SETBP1: variants seen among roughly 807,000 people sequenced by gnomAD.
The protein encoded by SETBP1 is SET-binding protein.
A neutral mutation model predicts 101.0 loss-of-function variants in SETBP1; 9 were observed. The ratio of observed to expected loss-of-function variants is 0.09; its 90% CI spans 0.05 to 0.16. SETBP1 has a LOEUF of 0.16. Ranked by LOEUF, SETBP1 falls within the 10% of genes least tolerant of loss-of-function variation. SETBP1 has a pLI of 1.00. For synonymous variants in SETBP1, 818 were observed against 788.5 expected (o/e 1.04, Z -0.63); for missense variants, 1,858 against 2,033.8 (o/e 0.91, Z 1.66).
intron 3 of SETBP1, among the ~76,000 whole-genome samples, chr18:44,901,169 C>T (rs954368206): frequency 9.9e-5 from 15 of 152,238 alleles, no homozygotes; most frequent in African/African-American, 3.6e-4. Context: ...CCAACTCTTG[C>T]TTTGATGGGT....
chr18:44,915,322 T>C (rs2070401678), intron 3 of SETBP1, among the ~76,000 whole-genome samples: 1 of 152,194 alleles, frequency 6.6e-6, no homozygotes, highest in African/African-American at 2.4e-5. Flanking sequence ...GGAAGAATTA[T>C]GAATCTTTTC....
chr18:44,716,345 A>C (rs772085605), intron 2 of SETBP1, among the ~76,000 whole-genome samples: 5 of 152,100 alleles, frequency 3.3e-5, no homozygotes, highest in Admixed American at 6.5e-5. Flanking sequence ...CAAAACAAAA[A>C]AAATAGGGAA....
intron 4 of SETBP1, among the ~76,000 whole-genome samples, chr18:44,965,699 C>T (rs773650266): frequency 6.6e-6 from 1 of 152,202 alleles, no homozygotes; most frequent in Non-Finnish European, 1.5e-5. Context: ...TTGCTCACAT[C>T]GCTGAAATAG....
chr18:44,873,477 G>T (rs887433892), intron 3 of SETBP1, among the ~76,000 whole-genome samples: 2 of 152,154 alleles, frequency 1.3e-5, no homozygotes, highest in Non-Finnish European at 2.9e-5. Flanking sequence ...AAATGTAGAA[G>T]AAATTATATG....
intron 4 of SETBP1, among the ~76,000 whole-genome samples, chr18:44,992,534 C>T (rs1021545069): frequency 6.6e-6 from 1 of 151,954 alleles, no homozygotes; most frequent in African/African-American, 2.4e-5. Flanking sequence ...TATGTAATTG[C>T]AAATGCAATT....
chr18:44,786,999 A>G (rs2071253344), intron 2 of SETBP1, among the ~76,000 whole-genome samples: 1 of 152,240 alleles, frequency 6.6e-6, no homozygotes. Context: ...TTGGGTATCA[A>G]GAAGGGAGAA....
intron 4 of SETBP1, among the ~76,000 whole-genome samples, chr18:45,026,288 G>A (rs2073163273): frequency 6.6e-6 from 1 of 152,122 alleles, no homozygotes; most frequent in African/African-American, 2.4e-5. Flanking sequence ...CTGGTTTCTT[G>A]AAGTCTCAGA....
chr18:45,051,877 A>G (rs2073727920), intron 5 of SETBP1, among the ~76,000 whole-genome samples: 1 of 152,246 alleles, frequency 6.6e-6, no homozygotes, highest in African/African-American at 2.4e-5. Flanking sequence ...CTTTCAGTTA[A>G]TGGTGCTCTG....
rs1294232927 is a variant in SETBP1, at chr18:45,000,904, A to G, written c.4001-37581A>G. On this transcript the variant is annotated intron_variant, in intron 4 of 5. Coordinates refer to ENST00000649279, the MANE Select transcript of SETBP1 (RefSeq NM_015559.3). ...AAAAGCAGTACTGAGTTACGAAGAC[A>G]GCCTAAGCAATAAAGATGAGGACAG... Among the ~76,000 whole-genome samples the G allele has an allele frequency of 2.0e-5, 3 of 152,146 alleles. No homozygotes were observed. In the East Asian group the frequency reaches 5.8e-4, roughly 29 times the overall value.
At chr18:45,013,434 C>CTTTCTTTCTTTCTTTCTTTCTTTCTTTCT (rs573114558) in intron 4 of SETBP1, among the ~76,000 whole-genome samples, 37 of 150,506 alleles carry the variant, frequency 2.5e-4, no homozygotes, top group African/African-American at 8.9e-4. Context: ...TTCTTTCTTT[C>CTTTCTTTCTTTCTTTCTTTCTTTCTTTCT]TTTTTTTTTG....
At position 44,989,868 on chromosome 18, in the gene SETBP1, C is replaced by CAAAAAA. The variant is rs1169222498; in HGVS notation, c.4000+36562_4000+36567dup. ...TGGGCGACAGAGCGAGACTCCGTCT[C>CAAAAAA]AAAAAAAAAAAAAAAAAAAAAAAAA... On this transcript the variant is annotated intron_variant, in intron 4 of 5. Coordinates refer to ENST00000649279, the MANE Select transcript of SETBP1 (RefSeq NM_015559.3). 7.1e-4 allele frequency among the ~76,000 whole-genome samples: 11 copies of CAAAAAA among 15,424 alleles called. 3 individuals carry two copies. The highest frequency in any genetic ancestry group is 1.2e-3 in the Admixed American group (1 of 854). 10.1% of individuals were successfully genotyped at this position (15,424 alleles called of 152,430 possible). A position where few individuals can be genotyped will look rare whatever the true frequency, so the allele number is the denominator to read the frequency against.
At chr18:44,819,620 A>C (rs2032531367) in intron 2 of SETBP1, among the ~76,000 whole-genome samples, 1 of 152,004 alleles carries the variant, frequency 6.6e-6, no homozygotes, top group African/African-American at 2.4e-5. Context: ...AGGGCAGAGG[A>C]AGGAAACTCC....
chr18:44,904,060 C>T (rs1172367969), intron 3 of SETBP1, among the ~76,000 whole-genome samples: 1 of 152,160 alleles, frequency 6.6e-6, no homozygotes, highest in African/African-American at 2.4e-5. Flanking sequence ...GCAACTCATA[C>T]ATATTTGCTC....
At chr18:44,981,557 A>T (rs994372603) in intron 4 of SETBP1, among the ~76,000 whole-genome samples, 8 of 152,392 alleles carry the variant, frequency 5.2e-5, no homozygotes, top group Admixed American at 2.6e-4. Flanking sequence ...GAGTTGTTTT[A>T]GAATTCATCT....
intron 2 of SETBP1, among the ~76,000 whole-genome samples, chr18:44,768,985 T>C (rs1347649556): frequency 1.3e-5 from 2 of 152,156 alleles, no homozygotes; most frequent in Non-Finnish European, 2.9e-5. Flanking sequence ...TACCTGCTTG[T>C]GGTTTTTCTT....
At chr18:44,972,333 G>A (rs901355186) in intron 4 of SETBP1, among the ~76,000 whole-genome samples, 3 of 152,056 alleles carry the variant, frequency 2.0e-5, no homozygotes, top group African/African-American at 7.2e-5. Flanking sequence ...TTGTTCTTTT[G>A]GCTTAGGATT....
chr18:44,869,794 G>C (rs537396607), intron 3 of SETBP1: 8 of 211,638 alleles, frequency 3.8e-5, no homozygotes, highest in Non-Finnish European at 7.8e-5. Context: ...GGCCAGAGTG[G>C]TGTTTGGAGG....
intron 2 of SETBP1, among the ~76,000 whole-genome samples, chr18:44,726,704 A>C (rs1244118094): frequency 1.3e-5 from 2 of 152,238 alleles, no homozygotes; most frequent in African/African-American, 4.8e-5. Flanking sequence ...GAAGTTTATT[A>C]AATATGTAAA....
At chr18:44,934,170 A>G (rs2070905383) in intron 3 of SETBP1, among the ~76,000 whole-genome samples, 1 of 143,278 alleles carries the variant, frequency 7.0e-6, no homozygotes, top group South Asian at 2.2e-4. Flanking sequence ...CTTTTTTTAG[A>G]CTGAGTCTTG....
Sources: gnomAD v4.1 joint callset for allele counts (sites outside exome capture counted in the v4.1 genomes callset) on GRCh38, gnomAD v4.1.1 for gene constraint, MANE v1.5 for transcripts, NCBI Gene and HGNC (gene_info 2026-07-23, HGNC 2026-07-21) for gene names.